PLXNB1: variants seen among roughly 807,000 people sequenced by gnomAD.
PLXNB1 encodes plexin-B1.
Under a neutral mutation model 209.4 loss-of-function variants are expected in PLXNB1, and 106 were observed. The observed-to-expected ratio is 0.51, with a 90% confidence interval of 0.43 to 0.59. PLXNB1 has a LOEUF of 0.59. PLXNB1 is among the 20% of genes least tolerant of loss of function. The pLI, the probability that PLXNB1 is intolerant of heterozygous loss-of-function variation, is 0.00. For synonymous variants in PLXNB1, 1,167 were observed against 1,183.2 expected (o/e 0.99, Z 0.28); for missense variants, 2,357 against 2,853.2 (o/e 0.83, Z 3.96).
chr3:48,405,731 T>C lies in PLXNB1; in HGVS notation c.6296A>G (p.Tyr2099Cys), dbSNP rs2037277911. Residue 2099 changes from tyrosine (Y) to cysteine (C), a missense_variant, in exon 37 of 38, where the codon TAT becomes TGT. Physicochemically the swap from Tyr to Cys is radical, Grantham distance 194. Around this residue, in one of 7 missense-constraint regions of PLXNB1, gnomAD observed 414 missense variants for 520.5 expected, o/e 0.80. Coordinates refer to ENST00000296440, the MANE Select transcript of PLXNB1 (RefSeq NM_001130082.3). The surrounding 1 kb of genome is among the most constrained non-coding windows in gnomAD (Gnocchi z 5.0). The part of the protein sequence containing the change: ...HELYKYINKY[Y>C]DQIITALEED... ...GGTCCAGGGCCTGCCCACCTGGTCA[T>C]AGTACTTGTTGATGTACTTGTAGAG... 6.2e-7 allele frequency: 1 copy of C among 1,613,178 alleles called. No homozygotes were observed.
Position 48,418,911 on chromosome 3 carries a change from G to A in PLXNB1, c.2955+6C>T, listed in dbSNP as rs1248919944. The A allele has an allele frequency of 5.6e-6, 9 of 1,613,918 alleles. No homozygotes were observed. The highest frequency in any genetic ancestry group is 5.5e-5 in the South Asian group (5 of 91,080). ...CCGTGCCCACCCAGGCGCTCATGGT[G>A]TGCACCTGGTGCTGCTGGCAGGTGA... On this transcript the variant is annotated splice_donor_region_variant and intron_variant, in intron 13 of 37. Transcript: ENST00000296440. The surrounding 1 kb of genome is among the most constrained non-coding windows in gnomAD (Gnocchi z 6.6).
In PLXNB1 at chr3:48,420,686, C is replaced by A; in HGVS notation, c.2007G>T (p.Gly669=). The part of the protein sequence containing the change: ...LCTHKASCDA[G]PMVASHQSPL... ...TCACCTGATGGCTTGCAACCATGGG[C>A]CCAGCATCACACGAGGCCTTGTGGG... Residue 669 remains glycine (G), a synonymous_variant, in exon 10 of 38, where the codon GGG becomes GGT. Coordinates refer to ENST00000296440, the MANE Select transcript of PLXNB1 (RefSeq NM_001130082.3). 6.2e-7 allele frequency: 1 copy of A among 1,613,820 alleles called. No homozygotes were observed. Among genetic ancestry groups the A allele is most frequent in the Non-Finnish European group, 8.5e-7 (1 of 1,179,900 alleles).
rs1237801454 is a variant in PLXNB1, at chr3:48,413,099, C to T, written c.4606G>A (p.Val1536Met). ...AATTCCTTCTTGCAGCGGTCCCGCA[C>T]ACTGCTCTCCAGATTCTCCAGCTGG... ...QIQLENLESSVRDRCKKEFTD... is the reference protein window; with the variant it reads ...QIQLENLESSMRDRCKKEFTD... The change falls in exon 24 of 38, where the codon GTG becomes ATG. Residue 1536 changes from valine (V) to methionine (M), a missense_variant. Coordinates refer to ENST00000296440, the MANE Select transcript of PLXNB1 (RefSeq NM_001130082.3). This position sits in a 1 kb window ranked among gnomAD's most constrained non-coding sequence, Gnocchi z 5.4. 1.9e-6 allele frequency: 3 copies of T among 1,613,848 alleles called. No individual in the cohort carries two copies. Among genetic ancestry groups the T allele is most frequent in the Non-Finnish European group, 8.5e-7 (1 of 1,179,974 alleles).
At position 48,410,049 on chromosome 3, in the gene PLXNB1, C is replaced by T; in HGVS notation, c.5634G>A (p.Glu1878=). The change falls in exon 32 of 38, where the codon GAG becomes GAA. Residue 1878 remains glutamate (E), a synonymous_variant. Transcript: ENST00000296440. The surrounding 1 kb of genome is among the most constrained non-coding windows in gnomAD (Gnocchi z 6.4). ...ERTPMLEDVD[E]GGIRPWHLVK... ...CCAGGTGCCAGGGCCGGATGCCCCC[C>T]TCATCTACATCCTCCAGCATTGGGG... 2 of 1,605,630 alleles carry T rather than the reference C, an allele frequency of 1.2e-6. No individual in the cohort carries two copies. The highest frequency in any genetic ancestry group is 2.2e-5 in the East Asian group (1 of 44,746).
intron 10 of PLXNB1, 53 bp downstream of exon 10, chr3:48,420,612 C>T: frequency 7.0e-7 from 1 of 1,438,796 alleles, no homozygotes; most frequent in Non-Finnish European, 9.8e-7. Context: ...GAAAAACTCT[C>T]ACACTGGGAC....
rs112401615 is a variant in PLXNB1 at position 48,410,240 on chromosome 3, A to G, written c.5605+56T>C. ...CCCTGAGGCCCAGAGGACCTTCCCC[A>G]TGACTCCGGGCTGGGCACAGCAGGG... On this transcript the variant is annotated intron_variant, in intron 31 of 37. Transcript: ENST00000296440. This position sits in a 1 kb window ranked among gnomAD's most constrained non-coding sequence, Gnocchi z 6.4. 8.0e-6 allele frequency: 12 copies of G among 1,503,794 alleles called. No homozygotes were observed. The African/African-American group carries it at 1.1e-4, about 14-fold the overall frequency. The allele number at this position is 1,503,794 out of a possible 1,614,324, so 93.2% of individuals were successfully genotyped here.
In PLXNB1 at chr3:48,419,406, C is replaced by A; in HGVS notation, c.2710-40G>T. The A allele has an allele frequency of 6.5e-7, 1 of 1,527,988 alleles. No individual in the cohort carries two copies. The allele number at this position is 1,527,988 out of a possible 1,614,324, so 94.7% of individuals were successfully genotyped here. A position where few individuals can be genotyped will look rare whatever the true frequency, so the allele number is the denominator to read the frequency against. On this transcript the variant is annotated intron_variant, in intron 11 of 37. Coordinates refer to ENST00000296440, the MANE Select transcript of PLXNB1 (RefSeq NM_001130082.3). The surrounding 1 kb of genome is among the most constrained non-coding windows in gnomAD (Gnocchi z 5.7). ...GGCAAGGCAGTCTATGGAGCCCACCCTGCCCAGCTCAGCCCTCTGCCTTGC... is the reference window on the plus strand; with the variant it reads ...GGCAAGGCAGTCTATGGAGCCCACCATGCCCAGCTCAGCCCTCTGCCTTGC...
At chr3:48,425,035 A>T (rs2038809798) in intron 2 of PLXNB1, among the ~76,000 whole-genome samples, 1 of 152,212 alleles carries the variant, frequency 6.6e-6, no homozygotes, top group Non-Finnish European at 1.5e-5. Flanking sequence ...TCCCGGGCAG[A>T]AGAAGGAAGG....
intron 21 of PLXNB1, 103 bp from the exon 22 acceptor site, chr3:48,414,174 T>C: frequency 9.0e-7 from 1 of 1,107,216 alleles, no homozygotes; most frequent in East Asian, 2.4e-5. Context: ...GCAGCAAAGC[T>C]GACAGCCTCT....
chr3:48,407,244 G>A (rs2106728574), intron 34 of PLXNB1, among the ~76,000 whole-genome samples, 153 bp from the exon 35 acceptor site: 1 of 152,204 alleles, frequency 6.6e-6, no homozygotes, highest in Non-Finnish European at 1.5e-5. Context: ...GGAAAACCAG[G>A]ACAGGTGGTC....
rs764024950 is a variant in PLXNB1, at chr3:48,419,284, C to T, written c.2792G>A (p.Arg931Gln). The T allele has an allele frequency of 8.8e-6, 14 of 1,595,810 alleles. No homozygotes were observed. Among genetic ancestry groups the T allele is most frequent in the East Asian group, 2.3e-5 (1 of 44,444 alleles). Residue 931 changes from arginine (R) to glutamine (Q), a missense_variant, in exon 12 of 38, where the codon CGG (arginine) becomes CAG (glutamine). Arg to Gln is a conservative substitution (Grantham distance 43). This residue lies in a region of PLXNB1 where 410 missense variants were observed against 401.0 expected (regional missense o/e 1.02). Coordinates refer to ENST00000296440, the MANE Select transcript of PLXNB1 (RefSeq NM_001130082.3). The surrounding 1 kb of genome is among the most constrained non-coding windows in gnomAD (Gnocchi z 5.7). ...GTTCCTGCCTAGCAGCCGGATTTCC[C>T]GCTCCACATGGACCGGCATCAACGT... ...GSTLMPVHVE[R>Q]EIRLLGRNLH...
In PLXNB1 at chr3:48,411,929, T is replaced by A. The variant is rs1251107385; in HGVS notation, c.5181A>T (p.Thr1727=). The change falls in exon 28 of 38, where the codon ACA becomes ACT. Residue 1727 remains threonine (T), a synonymous_variant. Transcript: ENST00000296440. The surrounding 1 kb of genome is among the most constrained non-coding windows in gnomAD (Gnocchi z 4.0). ...QVDKGPVDSV[T]GKAKYTLNDN... ...CGTTCAAGGTGTATTTGGCCTTGCC[T>A]GTCACACTGTCCACTGGCCCCTTAT... 3 of 1,614,194 alleles carry A rather than the reference T, an allele frequency of 1.9e-6. No homozygotes were observed. The highest frequency in any genetic ancestry group is 2.5e-6 in the Non-Finnish European group (3 of 1,180,016).
In PLXNB1 at chr3:48,418,527, G is replaced by A. The variant is rs576487649; in HGVS notation, c.2971C>T (p.Leu991=). The A allele has an allele frequency of 2.2e-5, 35 of 1,603,098 alleles. 1 individual carries two copies. In the South Asian group the frequency reaches 2.3e-4, roughly 11 times the overall value. The change falls in exon 14 of 38, where the codon CTG becomes TTG. Residue 991 remains leucine, a synonymous_variant. Transcript: ENST00000296440. The surrounding 1 kb of genome is among the most constrained non-coding windows in gnomAD (Gnocchi z 6.6). ...AGCCCCACACGGAGCTCCGGCTGCA[G>A]AGCCTCATAGCTGAGCTGGAGAAAT... ...CQQHQLSYEA[L]QPELRVGLFL... is the part of the protein sequence containing the mutation.
In PLXNB1 at chr3:48,421,344, C is replaced by T. The variant is rs990742928; in HGVS notation, c.1694G>A (p.Gly565Glu). 3.8e-6 allele frequency: 6 copies of T among 1,573,460 alleles called. No homozygotes were observed. The South Asian group carries it at 5.8e-5, about 15-fold the overall frequency. Residue 565 changes from glycine (G) to glutamate (E), a missense_variant, in exon 8 of 38, where the codon GGG becomes GAG. Physicochemically the swap from Gly to Glu is moderately conservative, Grantham distance 98. This residue lies in a region of PLXNB1 where 214 missense variants were observed against 297.1 expected (regional missense o/e 0.72). Coordinates refer to ENST00000296440, the MANE Select transcript of PLXNB1 (RefSeq NM_001130082.3). ...CCCAAAGTGGCAGGAATATGACTCC[C>T]CTGGCCACAGGGGTGGCAGGTCTGG... is the stretch of plus-strand genomic sequence containing the variant. ...SVPDLPPLWP[G>E]ESYSCHFGEH...
rs762572912 is a variant in PLXNB1 at position 48,416,154 on chromosome 3, T to C, written c.3494A>G (p.His1165Arg). 4 of 1,599,374 alleles carry C rather than the reference T, an allele frequency of 2.5e-6. No homozygotes were observed. The South Asian group carries it at 4.5e-5, about 18-fold the overall frequency. ...GGGGCCGCGGGCCGGGAAGATGGAATGGACCTTCGGATCCTGTGGGACAGA... is the reference window on the plus strand; with the variant it reads ...GGGGCCGCGGGCCGGGAAGATGGAACGGACCTTCGGATCCTGTGGGACAGA... ...HDFAYQDPKV[H>R]SIFPARGPRA... The change falls in exon 18 of 38, where the codon CAT becomes CGT. Residue 1165 changes from histidine (H) to arginine (R), a missense_variant. Physicochemically the swap from His to Arg is conservative, Grantham distance 29 (BLOSUM62 0). Around this residue, in one of 7 missense-constraint regions of PLXNB1, gnomAD observed 743 missense variants for 896.2 expected, o/e 0.83. Coordinates refer to ENST00000296440, the MANE Select transcript of PLXNB1 (RefSeq NM_001130082.3). The surrounding 1 kb of genome is among the most constrained non-coding windows in gnomAD (Gnocchi z 4.1).
intron 1 of PLXNB1, among the ~76,000 whole-genome samples, chr3:48,427,612 T>A (rs928991948): frequency 7.3e-5 from 11 of 151,696 alleles, no homozygotes; most frequent in Admixed American, 2.6e-4. Context: ...AGTCCACACC[T>A]CTCCCACCCG....
intron 1 of PLXNB1, among the ~76,000 whole-genome samples, chr3:48,427,953 A>G (rs1473287740): frequency 6.6e-6 from 1 of 152,102 alleles, no homozygotes; most frequent in Non-Finnish European, 1.5e-5. Context: ...GTAAACATGA[A>G]ACAGTGTGTG....
At position 48,424,075 on chromosome 3, in the gene PLXNB1, A is replaced by T. The variant is rs1015141529; in HGVS notation, c.537T>A (p.Gly179=). ...CCCGGGTTGTGATGGGTGGAATGCC[A>T]CCCCCCACACCCCTGCTGGTGTATC... ...GRGYTSRGVG[G]GIPPITTRAL... The change falls in exon 3 of 38, where the codon GGT becomes GGA. Residue 179 remains glycine, a synonymous_variant. Coordinates refer to ENST00000296440, the MANE Select transcript of PLXNB1 (RefSeq NM_001130082.3). 3.2e-6 allele frequency: 5 copies of T among 1,566,228 alleles called. No individual in the cohort carries two copies. The African/African-American group carries it at 6.8e-5, about 21-fold the overall frequency.
At chr3:48,407,839 T>C (rs964584928) in intron 34 of PLXNB1, among the ~76,000 whole-genome samples, 1 of 152,186 alleles carries the variant, frequency 6.6e-6, no homozygotes, top group African/African-American at 2.4e-5. Context: ...GGGGAGGTAC[T>C]GGAAGGATCT....
Sources: allele counts gnomAD v4.1 joint callset (sites outside exome capture counted in the v4.1 genomes callset), GRCh38; gene constraint gnomAD v4.1.1; regional missense constraint gnomAD v4.1.1; non-coding constraint Gnocchi (gnomAD v3.1); transcripts MANE v1.5; gene names NCBI Gene and HGNC (gene_info 2026-07-23, HGNC 2026-07-21).